Variants in LPCAT2 observed in about 807,000 individuals in gnomAD.
LPCAT2 encodes the protein lysophosphatidylcholine acyltransferase 2, also known as 1-AGP acyltransferase 11.
Under a neutral mutation model 64.7 loss-of-function variants are expected in LPCAT2, and 58 were observed. The ratio of observed to expected loss-of-function variants is 0.90; its 90% CI spans 0.73 to 1.12. The LOEUF is 1.12. Ranked by LOEUF, LPCAT2 falls within the 50% of genes most tolerant of loss-of-function variation. LPCAT2 has a pLI of 0.00. For synonymous variants in LPCAT2, 252 were observed against 245.3 expected (o/e 1.03, Z -0.26); for missense variants, 579 against 669.8 (o/e 0.86, Z 1.50).
At chr16:55,514,382 C>T (rs1455477033) in intron 1 of LPCAT2, among the ~76,000 whole-genome samples, 1 of 152,138 alleles carries the variant, frequency 6.6e-6, no homozygotes, top group Non-Finnish European at 1.5e-5. Context: ...TGATGTACCC[C>T]AACATGTACA....
At chr16:55,572,745 AAGG>A (rs1389204737) in intron 11 of LPCAT2, among the ~76,000 whole-genome samples, 4 of 152,180 alleles carry the variant, frequency 2.6e-5, no homozygotes, top group East Asian at 3.9e-4. Flanking sequence ...CTCTTGAGAC[AAGG>A]AGTTCAAGCC....
chr16:55,514,717 G>T (rs1962982903), intron 1 of LPCAT2, among the ~76,000 whole-genome samples: 1 of 152,164 alleles, frequency 6.6e-6, no homozygotes, highest in Non-Finnish European at 1.5e-5. Context: ...TTAAAAAGCA[G>T]TCAATACAAA....
At chr16:55,577,385 A>G (rs894960218) in intron 12 of LPCAT2, among the ~76,000 whole-genome samples, 18 of 152,130 alleles carry the variant, frequency 1.2e-4, no homozygotes, top group African/African-American at 4.3e-4. Context: ...TAGAAATCTC[A>G]ACATCAGGAA....
intron 10 of LPCAT2, among the ~76,000 whole-genome samples, chr16:55,550,547 A>G (rs545997410): frequency 2.6e-5 from 4 of 152,126 alleles, no homozygotes; most frequent in South Asian, 4.1e-4. Flanking sequence ...TTCCACTACA[A>G]TGTTCTTCTT....
At chr16:55,577,356 T>C (rs1167391211) in intron 12 of LPCAT2, among the ~76,000 whole-genome samples, 1 of 152,182 alleles carries the variant, frequency 6.6e-6, no homozygotes, top group East Asian at 1.9e-4. Flanking sequence ...CTGTTTTTGA[T>C]CTTGTATTTG....
At chr16:55,549,138 A>G (rs1963485560) in intron 9 of LPCAT2, 139 bp from the exon 10 acceptor site, 1 of 595,924 alleles carries the variant, frequency 1.7e-6, no homozygotes. Context: ...CTTTGTCAAG[A>G]AAAGCGAGAG....
At chr16:55,515,156 C>T (rs549040832) in intron 1 of LPCAT2, among the ~76,000 whole-genome samples, 1 of 151,960 alleles carries the variant, frequency 6.6e-6, no homozygotes, top group Admixed American at 6.6e-5. Context: ...AAATAATGCC[C>T]AAAAACTTGC....
rs1313354701 is a variant in LPCAT2 at position 55,584,594 on chromosome 16, A to G, written c.*1496A>G. Reference sequence around the variant, plus strand: ...ATTTTCTGAATTCAGTCTTTGAAATAAAACTCCTTGTTTTGGCCGTGTTTC... The same window carrying G: ...ATTTTCTGAATTCAGTCTTTGAAATGAAACTCCTTGTTTTGGCCGTGTTTC... On this transcript the variant is annotated 3_prime_UTR_variant, in exon 14 of 14. Transcript: ENST00000262134. 1 of 152,202 alleles carries G rather than the reference A, an allele frequency of 6.6e-6. No homozygotes were observed. The highest frequency in any genetic ancestry group is 2.4e-5 in the African/African-American group (1 of 41,454). The allele number at this position is 152,202 out of a possible 1,614,324, so 9.4% of individuals were successfully genotyped here. A position where few individuals can be genotyped will look rare whatever the true frequency, so the allele number is the denominator to read the frequency against.
At chr16:55,534,551 T>C in intron 7 of LPCAT2, 74 bp downstream of exon 7, 1 of 713,186 alleles carries the variant, frequency 1.4e-6, no homozygotes, top group Admixed American at 2.6e-5. Flanking sequence ...CATTTATTCA[T>C]TCTTTAAAAA....
intron 11 of LPCAT2, among the ~76,000 whole-genome samples, chr16:55,565,320 T>G (rs1963681749): frequency 6.6e-6 from 1 of 151,968 alleles, no homozygotes; most frequent in African/African-American, 2.4e-5. Flanking sequence ...AAGATAAAAA[T>G]AGAATTATCA....
At chr16:55,522,782 A>G (rs1046853717) in intron 1 of LPCAT2, among the ~76,000 whole-genome samples, 10 of 151,760 alleles carry the variant, frequency 6.6e-5, no homozygotes, top group Non-Finnish European at 1.2e-4. Flanking sequence ...ACCTTGATCC[A>G]TACTGCATAC....
At chr16:55,516,945 A>G (rs1288867240) in intron 1 of LPCAT2, among the ~76,000 whole-genome samples, 3 of 152,240 alleles carry the variant, frequency 2.0e-5, no homozygotes, top group Non-Finnish European at 4.4e-5. Context: ...TTCTCTGACC[A>G]CAGTGGATTG....
chr16:55,554,982 G>C (rs998391715), intron 11 of LPCAT2, among the ~76,000 whole-genome samples: 2 of 152,098 alleles, frequency 1.3e-5, no homozygotes, highest in Non-Finnish European at 2.9e-5. Flanking sequence ...AGAGTTTGTA[G>C]TGCTCCAAAA....
In LPCAT2 at chr16:55,509,395, C is replaced by G. The variant is rs766418473; in HGVS notation, c.171+43C>G. 3.0e-6 allele frequency: 4 copies of G among 1,325,970 alleles called. No homozygotes were observed. In the East Asian group the frequency reaches 8.7e-5, roughly 29 times the overall value. The allele number at this position is 1,325,970 out of a possible 1,614,324, so 82.1% of individuals were successfully genotyped here. ...GAGGGGAGAGGTGGTCTGAGGGGGG[C>G]CTAGGTCAGAGGGGGGTCCAGGTAA... On this transcript the variant is annotated intron_variant, in intron 1 of 13. Coordinates refer to ENST00000262134, the MANE Select transcript of LPCAT2 (RefSeq NM_017839.5).
chr16:55,537,508 T>C, intron 7 of LPCAT2, 70 bp from the exon 8 acceptor site: 1 of 1,234,476 alleles, frequency 8.1e-7, no homozygotes, highest in Non-Finnish European at 1.2e-6. Flanking sequence ...TATAAAGAAA[T>C]GATTGTTGAA....
At chr16:55,523,141 A>G (rs1963121512) in intron 1 of LPCAT2, among the ~76,000 whole-genome samples, 1 of 151,704 alleles carries the variant, frequency 6.6e-6, no homozygotes, top group Non-Finnish European at 1.5e-5. Flanking sequence ...GGCCAAAAAG[A>G]CTTGAACAGA....
At chr16:55,556,686 T>G (rs1963580091) in intron 11 of LPCAT2, among the ~76,000 whole-genome samples, 1 of 152,090 alleles carries the variant, frequency 6.6e-6, no homozygotes, top group Non-Finnish European at 1.5e-5. Context: ...AGGCGGAGCT[T>G]GCAGTGAGCC....
In LPCAT2 at chr16:55,529,872, T is replaced by C. The variant is rs1363773962; in HGVS notation, c.567T>C (p.Arg189=). 1.9e-6 allele frequency: 3 copies of C among 1,612,460 alleles called. No individual in the cohort carries two copies. The highest frequency in any genetic ancestry group is 1.7e-6 in the Non-Finnish European group (2 of 1,179,392). Residue 189 remains arginine (R), a synonymous_variant, in exon 4 of 14, where the codon CGT becomes CGC. Coordinates refer to ENST00000262134, the MANE Select transcript of LPCAT2 (RefSeq NM_017839.5). ...LRAVQPVLVS[R]VDPDSRKNTI... ...CTGTGCAACCAGTTTTGGTGTCCCG[T>C]GTAGATCCGGATTCCCGAAAAAACA...
At chr16:55,514,289 G>C (rs572526698) in intron 1 of LPCAT2, among the ~76,000 whole-genome samples, 23 of 152,184 alleles carry the variant, frequency 1.5e-4, no homozygotes, top group Non-Finnish European at 2.4e-4. Flanking sequence ...ACCCTAAGCT[G>C]TCACCTCTGA....
Sources: allele counts gnomAD v4.1 joint callset (sites outside exome capture counted in the v4.1 genomes callset), GRCh38; gene constraint gnomAD v4.1.1; transcripts MANE v1.5; gene names NCBI Gene and HGNC (gene_info 2026-07-23, HGNC 2026-07-21).